The following CTPS1 variants were observed in gnomAD, a reference collection of about 807,000 sequenced individuals.
CTPS1 encodes CTP synthase 1.
In CTPS1, 25 loss-of-function variants were observed where a neutral mutation model predicts 80.5. That is an observed-to-expected ratio of 0.31 (90% CI 0.23 to 0.43). The LOEUF is 0.43. Among genes scored for constraint, CTPS1 ranks in the 20% least tolerant of loss-of-function variants. The probability of loss-of-function intolerance (pLI) is 1.00; values close to 1 mark genes in which losing one functional copy is unlikely to be tolerated. For missense variants in CTPS1, 442 were observed against 725.7 expected (o/e 0.61, Z 4.49); for synonymous variants, 267 against 252.5 (o/e 1.06, Z -0.54).
intron 7 of CTPS1, among the ~76,000 whole-genome samples, chr1:40,993,018 C>T (rs12119675): frequency 0.078 from 11,727 of 151,258 alleles, 574 homozygotes; most frequent in South Asian, 0.13. Context: ...AAAAATGTAA[C>T]AAGTATTTCC....
rs1164057216 is a variant in CTPS1 at position 40,988,629 on chromosome 1, C to G, written c.474C>G (p.Pro158=). 1.2e-6 allele frequency: 2 copies of G among 1,614,116 alleles called. No homozygotes were observed. The highest frequency in any genetic ancestry group is 1.1e-5 in the South Asian group (1 of 91,076). The change falls in exon 5 of 19, where the codon CCC becomes CCG. Residue 158 remains proline, a synonymous_variant. Coordinates refer to ENST00000650070, the MANE Select transcript of CTPS1 (RefSeq NM_001905.4). The stretch of plus-strand genomic sequence containing the variant: ...CCGTGGGGGACATAGAAAGCATGCC[C>G]TTTATTGAGGCCTTCCGTCAGTTCC... The part of the protein sequence containing the change: ...GGTVGDIESM[P]FIEAFRQFQF...
rs1642618658 is a variant in CTPS1 at position 40,991,842 on chromosome 1, A to G, written c.717A>G (p.Glu239=). 1 of 1,612,670 alleles carries G rather than the reference A, an allele frequency of 6.2e-7. No homozygotes were observed. Among genetic ancestry groups the G allele is most frequent in the Non-Finnish European group, 8.5e-7 (1 of 1,178,636 alleles). Residue 239 remains glutamate (E), a synonymous_variant, in exon 7 of 19, where the codon GAA becomes GAG. Transcript: ENST00000650070. The part of the protein sequence containing the change: ...KISMFCHVEP[E]QVICVHDVSS... ...CAATGTTCTGCCATGTTGAGCCTGA[A>G]CAAGTGAGTAGAAATTCCCATCTCT...
chr1:41,007,620 C>A lies in CTPS1; in HGVS notation c.1393+75C>A. The A allele has an allele frequency of 1.6e-6, 2 of 1,272,852 alleles. No individual in the cohort carries two copies. Among genetic ancestry groups the A allele is most frequent in the African/African-American group, 1.5e-5 (1 of 67,882 alleles). 78.8% of individuals were successfully genotyped at this position (1,272,852 alleles called of 1,614,324 possible). On this transcript the variant is annotated intron_variant, in intron 14 of 18. Coordinates refer to ENST00000650070, the MANE Select transcript of CTPS1 (RefSeq NM_001905.4). The surrounding 1 kb of genome is among the most constrained non-coding windows in gnomAD (Gnocchi z 4.4). ...CGCGTGTCTTAGGGTGATGCTGTGGCTTCGAGGAGCAGGCTGGCTTTTTTT... is the reference window on the plus strand; with the variant it reads ...CGCGTGTCTTAGGGTGATGCTGTGGATTCGAGGAGCAGGCTGGCTTTTTTT...
In CTPS1 at chr1:41,006,074, C is replaced by T. The variant is rs139322260; in HGVS notation, c.1276C>T (p.Pro426Ser). The T allele has an allele frequency of 1.9e-6, 3 of 1,613,548 alleles. No individual in the cohort carries two copies. In the Admixed American group the frequency reaches 5.0e-5, roughly 27 times the overall value. The change falls in exon 13 of 19, where the codon CCT becomes TCT. Residue 426 changes from proline (P) to serine (S), a missense_variant. This residue lies in a region of CTPS1 where 321 missense variants were observed against 467.2 expected (regional missense o/e 0.69). Transcript: ENST00000650070. ...AGATGCCAATTCTACAGAGTTTGACCCTACGACCAGTCATCCCGTGGTGAG... is the reference window on the plus strand; with the variant it reads ...AGATGCCAATTCTACAGAGTTTGACTCTACGACCAGTCATCCCGTGGTGAG... ...WQDANSTEFD[P>S]TTSHPVVVDM...
intron 2 of CTPS1, 83 bp downstream of exon 2, chr1:40,983,539 C>G: frequency 2.6e-6 from 3 of 1,176,066 alleles, no homozygotes; most frequent in Non-Finnish European, 3.6e-6. Flanking sequence ...GTTTGCATAA[C>G]TTTTATTTTC....
chr1:40,984,797 A>T, intron 2 of CTPS1, 24 bp from the exon 3 acceptor site: 2 of 1,476,644 alleles, frequency 1.4e-6, no homozygotes, highest in South Asian at 1.4e-5. Flanking sequence ...CACTTAACGT[A>T]AATGGTTTCT....
chr1:40,993,741 C>T (rs1459839380), intron 7 of CTPS1, among the ~76,000 whole-genome samples: 1 of 148,536 alleles, frequency 6.7e-6, no homozygotes, highest in African/African-American at 2.5e-5. Flanking sequence ...TATTTTCTCC[C>T]TATCTGTGCC....
At chr1:40,989,287 G>T (rs35080169) in intron 5 of CTPS1, among the ~76,000 whole-genome samples, 1 of 152,120 alleles carries the variant, frequency 6.6e-6, no homozygotes, top group African/African-American at 2.4e-5. Context: ...CTTGTTCTCT[G>T]GGGAGGGTTC....
intron 7 of CTPS1, among the ~76,000 whole-genome samples, chr1:40,995,464 G>A (rs1642727011): frequency 6.6e-6 from 1 of 150,912 alleles, no homozygotes; most frequent in African/African-American, 2.4e-5. Flanking sequence ...CACAATCTCA[G>A]CTCACTACAG....
At chr1:41,009,257 C>G (rs945832537) in intron 16 of CTPS1, among the ~76,000 whole-genome samples, 188 bp from the exon 17 acceptor site, 1 of 152,226 alleles carries the variant, frequency 6.6e-6, no homozygotes, top group African/African-American at 2.4e-5. Context: ...GGGGACAGCA[C>G]AAACCGTGCT....
Position 40,988,680 on chromosome 1 carries a change from T to G in CTPS1, c.525T>G (p.Phe175Leu). 10 of 1,613,982 alleles carry G rather than the reference T, an allele frequency of 6.2e-6. No homozygotes were observed. The highest frequency in any genetic ancestry group is 8.5e-6 in the Non-Finnish European group (10 of 1,179,860). Residue 175 changes from phenylalanine (F) to leucine (L), a missense_variant, in exon 5 of 19, where the codon TTT becomes TTG. Phe to Leu is a conservative substitution (Grantham distance 22). Around this residue, in one of 4 missense-constraint regions of CTPS1, gnomAD observed 27 missense variants for 83.6 expected, o/e 0.32. Coordinates refer to ENST00000650070, the MANE Select transcript of CTPS1 (RefSeq NM_001905.4). The stretch of plus-strand genomic sequence containing the variant: ...AATTCAAGGTCAAAAGAGAGAACTT[T>G]TGTAACATCCACGTCAGTCTAGTTC... ...QFQFKVKREN[F>L]CNIHVSLVPQ...
intron 7 of CTPS1, among the ~76,000 whole-genome samples, chr1:40,995,443 G>C (rs1642726654): frequency 6.6e-6 from 1 of 150,970 alleles, no homozygotes. Flanking sequence ...ACCCAGACTG[G>C]AGTGCAGTGG....
intron 5 of CTPS1, among the ~76,000 whole-genome samples, chr1:40,990,304 G>A (rs1483964607): frequency 6.6e-6 from 1 of 152,142 alleles, no homozygotes; most frequent in African/African-American, 2.4e-5. Context: ...TGGGTTGAAA[G>A]GGCCCCCTTG....
chr1:41,000,095 A>G (rs1482400155), intron 9 of CTPS1, among the ~76,000 whole-genome samples: 1 of 152,252 alleles, frequency 6.6e-6, no homozygotes, highest in Non-Finnish European at 1.5e-5. Context: ...GTTATATACT[A>G]TTTGGCTCCA....
intron 2 of CTPS1, 132 bp from the exon 3 acceptor site, chr1:40,984,689 T>C: frequency 3.0e-6 from 2 of 656,942 alleles, no homozygotes; most frequent in Non-Finnish European, 4.7e-6. Flanking sequence ...TTTAGTCTTC[T>C]AGAAGTGAAT....
rs759359795 is a variant in CTPS1 at position 41,001,081 on chromosome 1, G to A, written c.1058G>A (p.Arg353His). ...ATCACCTCGCAAGAAGAGCCCGTGCGCTACCACGAAGCTTGGCAGAAGCTC... is the reference window on the plus strand; with the variant it reads ...ATCACCTCGCAAGAAGAGCCCGTGCACTACCACGAAGCTTGGCAGAAGCTC... ...EPITSQEEPV[R>H]YHEAWQKLCS... The change falls in exon 10 of 19, where the codon CGC becomes CAC. Residue 353 changes from arginine (R) to histidine (H), a missense_variant. Physicochemically the swap from Arg to His is conservative, Grantham distance 29. Transcript: ENST00000650070. The A allele has an allele frequency of 2.5e-6, 4 of 1,612,390 alleles. No homozygotes were observed. Among genetic ancestry groups the A allele is most frequent in the East Asian group, 2.2e-5 (1 of 44,792 alleles).
rs553588491 is a variant in CTPS1 at position 40,986,013 on chromosome 1, C to G, written c.337+1022C>G. Reference sequence around the variant, plus strand: ...TACAGTTTGCTGTTTATTTATTCATCATCCATCAAATTTGCATTGAATGCT... The same window carrying G: ...TACAGTTTGCTGTTTATTTATTCATGATCCATCAAATTTGCATTGAATGCT... On this transcript the variant is annotated intron_variant, in intron 3 of 18. Coordinates refer to ENST00000650070, the MANE Select transcript of CTPS1 (RefSeq NM_001905.4). Among the ~76,000 whole-genome samples the G allele has an allele frequency of 2.6e-5, 4 of 152,344 alleles. No homozygotes were observed. In the East Asian group the frequency reaches 7.7e-4, roughly 29 times the overall value.
intron 8 of CTPS1, chr1:40,997,120 G>T (rs1043008916): frequency 1.1e-5 from 4 of 353,620 alleles, no homozygotes; most frequent in Non-Finnish European, 2.0e-5. Flanking sequence ...CTTCCCAGGT[G>T]TGTTTTTGTT....
intron 8 of CTPS1, 105 bp downstream of exon 8, chr1:40,996,173 C>A: frequency 8.1e-7 from 1 of 1,227,710 alleles, no homozygotes; most frequent in Non-Finnish European, 1.2e-6. Context: ...GCACTTCTGC[C>A]ATCCACTCAT....
Sources: gnomAD v4.1 joint callset for allele counts (sites outside exome capture counted in the v4.1 genomes callset) on GRCh38, gnomAD v4.1.1 for gene constraint, gnomAD v4.1.1 regional missense constraint, Gnocchi (gnomAD v3.1) non-coding constraint, MANE v1.5 for transcripts, NCBI Gene and HGNC (gene_info 2026-07-23, HGNC 2026-07-21) for gene names.